Variants in STXBP5L observed in about 807,000 individuals in gnomAD.
The protein encoded by STXBP5L is syntaxin-binding protein 5-like.
STXBP5L carries 65 observed loss-of-function variants against 144.5 expected under a neutral mutation model. The ratio of observed to expected loss-of-function variants is 0.45; its 90% CI spans 0.37 to 0.55. The LOEUF (loss-of-function observed/expected upper bound fraction) is 0.55. STXBP5L is among the 20% of genes least tolerant of loss of function. The pLI is 0.00. For synonymous variants in STXBP5L, 505 were observed against 469.6 expected, an observed-to-expected ratio of 1.08 and a Z score of -0.97; for missense variants, 1,298 against 1,405.5, an observed-to-expected ratio of 0.92 and a Z score of 1.22.
At chr3:121,101,368 A>G (rs923786326) in intron 5 of STXBP5L, among the ~76,000 whole-genome samples, 3 of 143,494 alleles carry the variant, frequency 2.1e-5, no homozygotes, top group Non-Finnish European at 3.2e-5. Context: ...AAAGAATCCA[A>G]CAACACAACA....
chr3:121,210,519 G>A (rs2048519541), intron 10 of STXBP5L, among the ~76,000 whole-genome samples: 2 of 152,132 alleles, frequency 1.3e-5, no homozygotes, highest in South Asian at 4.1e-4. Flanking sequence ...CCTATGTCCT[G>A]CATGGTATTG....
chr3:121,114,423 C>A (rs1385516253), intron 5 of STXBP5L, among the ~76,000 whole-genome samples: 1 of 152,022 alleles, frequency 6.6e-6, no homozygotes, highest in South Asian at 2.1e-4. Context: ...TGTTTTGAAG[C>A]AAATATGACC....
At chr3:121,191,647 C>A (rs1365612950) in intron 9 of STXBP5L, among the ~76,000 whole-genome samples, 2 of 152,080 alleles carry the variant, frequency 1.3e-5, no homozygotes, top group African/African-American at 2.4e-5. Flanking sequence ...AATATTGATT[C>A]TTCCTATCCG....
intron 5 of STXBP5L, among the ~76,000 whole-genome samples, chr3:121,111,174 G>A (rs1196397428): frequency 6.6e-6 from 1 of 152,108 alleles, no homozygotes; most frequent in Non-Finnish European, 1.5e-5. Flanking sequence ...TTTGCATTGG[G>A]TTAGAACATG....
chr3:121,061,771 T>C (rs1398803823), intron 5 of STXBP5L, among the ~76,000 whole-genome samples: 1 of 152,206 alleles, frequency 6.6e-6, no homozygotes, highest in Non-Finnish European at 1.5e-5. Flanking sequence ...GTCTGTTTTA[T>C]CAGAGACAGG....
intron 3 of STXBP5L, among the ~76,000 whole-genome samples, chr3:120,958,515 T>TACTG (rs200729568): frequency 0.66 from 100,143 of 151,278 alleles, 33,624 homozygotes; most frequent in Admixed American, 0.72. Flanking sequence ...CTCAATATAA[T>TACTG]ACAAACCGAA....
chr3:121,376,795 T>C (rs536116402), intron 20 of STXBP5L, among the ~76,000 whole-genome samples: 2 of 152,320 alleles, frequency 1.3e-5, no homozygotes, highest in South Asian at 2.1e-4. Flanking sequence ...GGGAATAGCA[T>C]TGAATCTATA....
chr3:121,063,349 G>T (rs2041378070), intron 5 of STXBP5L, among the ~76,000 whole-genome samples: 3 of 152,168 alleles, frequency 2.0e-5, no homozygotes, highest in African/African-American at 7.2e-5. Context: ...AAAGATTGCT[G>T]CCTGTTTCTT....
chr3:121,302,172 G>A lies in STXBP5L; in HGVS notation c.2111-16303G>A, dbSNP rs577783521. Among the ~76,000 whole-genome samples the A allele has an allele frequency of 4.6e-5, 7 of 152,214 alleles. No individual in the cohort carries two copies. In the South Asian group the frequency reaches 1.5e-3, roughly 32 times the overall value. ...TAGAATTCGGCTGTGAATACATCTG[G>A]TCCTGGACTTTTTTTTGGTTGGTAA... On this transcript the variant is annotated intron_variant, in intron 19 of 26. Transcript: ENST00000471454.
intron 19 of STXBP5L, among the ~76,000 whole-genome samples, chr3:121,300,271 A>G (rs2051837174): frequency 6.6e-6 from 1 of 152,206 alleles, no homozygotes; most frequent in Non-Finnish European, 1.5e-5. Context: ...GATCTGTACT[A>G]TAAGAAATAG....
chr3:121,205,968 T>C lies in STXBP5L; in HGVS notation c.923T>C (p.Ile308Thr). The C allele has an allele frequency of 6.6e-7, 1 of 1,519,790 alleles. No homozygotes were observed. Among genetic ancestry groups the C allele is most frequent in the Non-Finnish European group, 8.8e-7 (1 of 1,139,574 alleles). The allele number at this position is 1,519,790 out of a possible 1,614,324, so 94.1% of individuals were successfully genotyped here. A position where few individuals can be genotyped will look rare whatever the true frequency, so the allele number is the denominator to read the frequency against. ...AGAAAATCTGAATCTTGTAAACCAA[T>C]TCTTAAAGTAGAATACAAGACCTGC... ...EGRKSESCKP[I>T]LKVEYKTCKN... The change falls in exon 10 of 27, where the codon ATT becomes ACT. Residue 308 changes from isoleucine to threonine, a missense_variant. Ile to Thr is a moderately conservative substitution (Grantham distance 89). Coordinates refer to ENST00000471454, the MANE Select transcript of STXBP5L (RefSeq NM_001308330.2).
intron 19 of STXBP5L, among the ~76,000 whole-genome samples, chr3:121,298,094 C>A (rs1487553659): frequency 6.6e-6 from 1 of 152,124 alleles, no homozygotes; most frequent in Non-Finnish European, 1.5e-5. Context: ...TACATGCCCA[C>A]CAATAGTGCA....
At chr3:121,180,490 C>A (rs2047098277) in intron 9 of STXBP5L, among the ~76,000 whole-genome samples, 1 of 152,278 alleles carries the variant, frequency 6.6e-6, no homozygotes, top group East Asian at 1.9e-4. Context: ...ACTCCTTAAA[C>A]CGTGAAGCTC....
At chr3:121,406,328 T>C (rs868752406) in intron 22 of STXBP5L, among the ~76,000 whole-genome samples, 2 of 152,134 alleles carry the variant, frequency 1.3e-5, no homozygotes, top group Non-Finnish European at 2.9e-5. Context: ...AATATACTTT[T>C]ATCTGTCACC....
At chr3:121,307,638 G>T (rs749526890) in intron 19 of STXBP5L, among the ~76,000 whole-genome samples, 2 of 151,620 alleles carry the variant, frequency 1.3e-5, no homozygotes, top group Non-Finnish European at 2.9e-5. Flanking sequence ...AGGACAGAGA[G>T]AAAAAAATAT....
chr3:121,053,361 C>A (rs958079819), intron 5 of STXBP5L, among the ~76,000 whole-genome samples: 6 of 152,052 alleles, frequency 3.9e-5, no homozygotes, highest in Non-Finnish European at 8.8e-5. Flanking sequence ...GCTACAGTAA[C>A]CAAAACAGCA....
At chr3:121,276,564 G>GT (rs1190640333) in intron 18 of STXBP5L, among the ~76,000 whole-genome samples, 1 of 151,214 alleles carries the variant, frequency 6.6e-6, no homozygotes, top group East Asian at 1.9e-4. Flanking sequence ...TTCAGCTTTT[G>GT]TTTTTTTGCA....
At chr3:121,158,330 G>A (rs2046193798) in intron 9 of STXBP5L, 1 of 152,114 alleles carries the variant, frequency 6.6e-6, no homozygotes, top group African/African-American at 2.4e-5. Context: ...AGATATGTCA[G>A]AAACTAACAG....
rs1318092301 is a variant in STXBP5L at position 121,019,963 on chromosome 3, T to C, written c.288-21737T>C. 2.0e-5 allele frequency among the ~76,000 whole-genome samples: 3 copies of C among 152,148 alleles called. No individual in the cohort carries two copies. The East Asian group carries it at 5.8e-4, about 29-fold the overall frequency. The stretch of plus-strand genomic sequence containing the variant: ...CAGAAAAAGAATTCAGAAGGTCGAC[T>C]ACTTAGCCAATCAAGGAGGCAACAG... On this transcript the variant is annotated intron_variant, in intron 3 of 26. Coordinates refer to ENST00000471454, the MANE Select transcript of STXBP5L (RefSeq NM_001308330.2).
Sources: allele counts gnomAD v4.1 joint callset (sites outside exome capture counted in the v4.1 genomes callset), GRCh38; gene constraint gnomAD v4.1.1; transcripts MANE v1.5; gene names NCBI Gene and HGNC (gene_info 2026-07-23, HGNC 2026-07-21).